Variants in SYNCRIP observed in about 807,000 individuals in gnomAD.
SYNCRIP encodes heterogeneous nuclear ribonucleoprotein Q.
A neutral mutation model predicts 68.9 loss-of-function variants in SYNCRIP; 9 were observed. The ratio of observed to expected loss-of-function variants is 0.13; its 90% CI spans 0.08 to 0.23. SYNCRIP has a LOEUF of 0.23. Among genes scored for constraint, SYNCRIP ranks in the 10% least tolerant of loss-of-function variants. The pLI, the probability that SYNCRIP is intolerant of heterozygous loss-of-function variation, is 1.00. For synonymous variants in SYNCRIP, 258 were observed against 254.0 expected (o/e 1.02, Z -0.15); for missense variants, 414 against 770.6 (o/e 0.54, Z 5.48).
At chr6:85,612,753 T>C, downstream of SYNCRIP, 2 of 925,656 alleles carry the variant, frequency 2.2e-6, no homozygotes, top group Non-Finnish European at 1.5e-6. Context: ...TTTGATTCCA[T>C]GATCTTCATA....
Position 85,637,491 on chromosome 6 carries a change from C to T in SYNCRIP, c.376-135G>A. 3 of 599,948 alleles carry T rather than the reference C, an allele frequency of 5.0e-6. No homozygotes were observed. In the East Asian group the frequency reaches 8.4e-5, roughly 17 times the overall value. 37.2% of individuals were successfully genotyped at this position (599,948 alleles called of 1,614,324 possible). On this transcript the variant is annotated intron_variant, in intron 4 of 10. Coordinates refer to ENST00000369622, the MANE Select transcript of SYNCRIP (RefSeq NM_006372.5). ...CCTTATAAAAACAGGTTTGTGATGT[C>T]TGTTTTAAAATTTCCCCTTAAATGT...
intron 6 of SYNCRIP, among the ~76,000 whole-genome samples, chr6:85,629,010 TTTA>T (rs1409829372): frequency 8.4e-6 from 1 of 119,218 alleles, no homozygotes; most frequent in Non-Finnish European, 1.7e-5. Flanking sequence ...CCTCCTGGCC[TTTA>T]TTGTCTTTAT....
chr6:85,629,337 C>G (rs1439804999), intron 6 of SYNCRIP, among the ~76,000 whole-genome samples: 1 of 151,972 alleles, frequency 6.6e-6, no homozygotes, highest in Non-Finnish European at 1.5e-5. Context: ...TCTCTAAGAA[C>G]CTGTATATCT....
At position 85,614,306 on chromosome 6, in the gene SYNCRIP, T is replaced by C. The variant is rs1021376546; in HGVS notation, c.*450A>G. 7 of 986,300 alleles carry C rather than the reference T, an allele frequency of 7.1e-6. No homozygotes were observed. Among genetic ancestry groups the C allele is most frequent in the African/African-American group, 1.7e-5 (1 of 57,266 alleles). The allele number at this position is 986,300 out of a possible 1,614,324, so 61.1% of individuals were successfully genotyped here. On this transcript the variant is annotated 3_prime_UTR_variant, in exon 11 of 11. Coordinates refer to ENST00000369622, the MANE Select transcript of SYNCRIP (RefSeq NM_006372.5). ...TTTGAAAACCCAAATTAGGTCAAAG[T>C]TCTAAATTAAAAATAGCAGTTGTGT...
intron 4 of SYNCRIP, among the ~76,000 whole-genome samples, chr6:85,638,879 T>C (rs1294443483): frequency 2.0e-5 from 3 of 152,196 alleles, no homozygotes; most frequent in Non-Finnish European, 4.4e-5. Context: ...CCTCTAAAAA[T>C]GTCTCTATGC....
intron 6 of SYNCRIP, among the ~76,000 whole-genome samples, chr6:85,626,909 C>T (rs1377493493): frequency 1.3e-5 from 2 of 152,134 alleles, no homozygotes; most frequent in African/African-American, 4.8e-5. Context: ...ACATAAATAA[C>T]ACAAAGATTT....
chr6:85,639,498 T>C (rs1808877146), intron 4 of SYNCRIP, among the ~76,000 whole-genome samples: 1 of 152,220 alleles, frequency 6.6e-6, no homozygotes, highest in Admixed American at 6.5e-5. Flanking sequence ...AGGCTTTCCC[T>C]GTTTCCACAC....
intron 6 of SYNCRIP, among the ~76,000 whole-genome samples, chr6:85,632,749 C>T (rs1807948322): frequency 6.6e-6 from 1 of 151,916 alleles, no homozygotes; most frequent in Non-Finnish European, 1.5e-5. Flanking sequence ...CAAGACTAGC[C>T]TGGACAACAT....
intron 6 of SYNCRIP, among the ~76,000 whole-genome samples, chr6:85,625,523 G>T (rs969424511): frequency 4.6e-5 from 7 of 152,110 alleles, no homozygotes; most frequent in African/African-American, 1.7e-4. Flanking sequence ...GAGTAGCTGT[G>T]ATTACAGGCG....
intron 6 of SYNCRIP, among the ~76,000 whole-genome samples, chr6:85,636,125 T>C (rs1347863501): frequency 6.6e-6 from 1 of 152,168 alleles, no homozygotes; most frequent in Non-Finnish European, 1.5e-5. Context: ...TTAAAGGACT[T>C]ACATAAACTA....
At chr6:85,633,169 T>C (rs1433839350) in intron 6 of SYNCRIP, among the ~76,000 whole-genome samples, 2 of 151,300 alleles carry the variant, frequency 1.3e-5, no homozygotes, top group East Asian at 1.9e-4. Flanking sequence ...GGCAGGAGAA[T>C]GGCGTGAACC....
Position 85,637,033 on chromosome 6 carries a change from A to G in SYNCRIP, c.600T>C (p.Gly200=). The G allele has an allele frequency of 6.2e-7, 1 of 1,614,158 alleles. No homozygotes were observed. The highest frequency in any genetic ancestry group is 8.5e-7 in the Non-Finnish European group (1 of 1,180,034). The change falls in exon 6 of 11, where the codon GGT becomes GGC. Residue 200 remains glycine (G), a synonymous_variant. Transcript: ENST00000369622. Reference sequence around the variant, plus strand: ...TGACAAACGCATAACCTCTATTGAGACCAGTGAGTGGATCCATCATTAGAC... The same window carrying G: ...TGACAAACGCATAACCTCTATTGAGGCCAGTGAGTGGATCCATCATTAGAC... ...DLRLMMDPLT[G]LNRGYAFVTF...
At chr6:85,613,495 TGTC>T (rs770314684), downstream of SYNCRIP, among the ~76,000 whole-genome samples, 60 of 152,318 alleles carry the variant, frequency 3.9e-4, no homozygotes, top group Non-Finnish European at 7.2e-4. Context: ...ACCTAGAGTC[TGTC>T]CCCCAAAACT....
In SYNCRIP at chr6:85,619,259, C is replaced by G; in HGVS notation, c.1158+9G>C. 1.2e-6 allele frequency: 2 copies of G among 1,611,612 alleles called. No individual in the cohort carries two copies. The highest frequency in any genetic ancestry group is 1.7e-6 in the Non-Finnish European group (2 of 1,178,908). On this transcript the variant is annotated intron_variant, in intron 9 of 10. Transcript: ENST00000369622. ...CTGATTTAGATGCCTGTAATTCCAC[C>G]ATATTTACCTTGACAGCACCATCTC...
At chr6:85,610,123 T>C (rs1246509250), downstream of SYNCRIP, 1 of 151,962 alleles carries the variant, frequency 6.6e-6, no homozygotes, top group Admixed American at 6.6e-5. Context: ...CTTGATCTGA[T>C]AAGACTTTGA....
Position 85,641,224 on chromosome 6 carries a change from T to C in SYNCRIP, c.148+68A>G, listed in dbSNP as rs1049453503. ...TATTGGAAACCACAAAAAGTTGCTA[T>C]TTTAGCTCAAAGCCAGAAATCCAAT... On this transcript the variant is annotated intron_variant, in intron 2 of 10. Coordinates refer to ENST00000369622, the MANE Select transcript of SYNCRIP (RefSeq NM_006372.5). 2.9e-6 allele frequency: 4 copies of C among 1,400,914 alleles called. No homozygotes were observed. In the African/African-American group the frequency reaches 5.7e-5, roughly 20 times the overall value. The allele number at this position is 1,400,914 out of a possible 1,614,324, so 86.8% of individuals were successfully genotyped here.
intron 4 of SYNCRIP, among the ~76,000 whole-genome samples, chr6:85,638,490 G>T (rs1483324155): frequency 6.7e-6 from 1 of 149,684 alleles, no homozygotes; most frequent in African/African-American, 2.4e-5. Context: ...GCACAAAAGT[G>T]GTTTTCTAAA....
In SYNCRIP at chr6:85,614,986, G is replaced by A. The variant is rs1455212560; in HGVS notation, c.1642C>T (p.Arg548Cys). 3.7e-6 allele frequency: 6 copies of A among 1,613,234 alleles called. No homozygotes were observed. Among genetic ancestry groups the A allele is most frequent in the Admixed American group, 1.7e-5 (1 of 59,938 alleles). The change falls in exon 11 of 11, where the codon CGC becomes TGC. Residue 548 changes from arginine to cysteine, a missense_variant. By Grantham distance (180) the Arg-to-Cys change is radical. Around this residue, in one of 6 missense-constraint regions of SYNCRIP, gnomAD observed 130 missense variants for 149.0 expected, o/e 0.87. Coordinates refer to ENST00000369622, the MANE Select transcript of SYNCRIP (RefSeq NM_006372.5). ...CCACCCCTCGCACCACGTACCCCGCGGCCTCTTTGTTGTTGGGCACCTCCT... is the reference window on the plus strand; with the variant it reads ...CCACCCCTCGCACCACGTACCCCGCAGCCTCTTTGTTGTTGGGCACCTCCT... ...ARGGAQQQRG[R>C]GVRGARGGRG...
At position 85,614,701 on chromosome 6, in the gene SYNCRIP, G is replaced by C; in HGVS notation, c.*55C>G. ...TTATAGCGGCACCCGTTCAGATTTA[G>C]GGTGAGTTTCTGATCAACCTATCAG... is the stretch of plus-strand genomic sequence containing the variant. On this transcript the variant is annotated 3_prime_UTR_variant, in exon 11 of 11. Coordinates refer to ENST00000369622, the MANE Select transcript of SYNCRIP (RefSeq NM_006372.5). 1 of 1,506,800 alleles carries C rather than the reference G, an allele frequency of 6.6e-7. No homozygotes were observed. Among genetic ancestry groups the C allele is most frequent in the Non-Finnish European group, 8.9e-7 (1 of 1,129,248 alleles). The allele number at this position is 1,506,800 out of a possible 1,614,324, so 93.3% of individuals were successfully genotyped here. A position where few individuals can be genotyped will look rare whatever the true frequency, so the allele number is the denominator to read the frequency against.
Sources: allele counts gnomAD v4.1 joint callset (sites outside exome capture counted in the v4.1 genomes callset), GRCh38; gene constraint gnomAD v4.1.1; regional missense constraint gnomAD v4.1.1; transcripts MANE v1.5; gene names NCBI Gene and HGNC (gene_info 2026-07-23, HGNC 2026-07-21).